The following PHF21A variants were observed in gnomAD, a reference collection of about 807,000 sequenced individuals.
The protein encoded by PHF21A is BHC80a.
PHF21A carries 11 observed loss-of-function variants against 82.5 expected under a neutral mutation model. The ratio of observed to expected loss-of-function variants is 0.13; its 90% confidence interval spans 0.08 to 0.22. The LOEUF (loss-of-function observed/expected upper bound fraction) is 0.22. Among genes scored for constraint, PHF21A ranks in the 10% least tolerant of loss-of-function variants. The pLI, the probability that PHF21A is intolerant of heterozygous loss-of-function variation, is 1.00. For synonymous variants in PHF21A, 297 were observed against 302.8 expected (o/e 0.98, Z 0.20); for missense variants, 579 against 837.8 (o/e 0.69, Z 3.81).
At chr11:45,968,097 C>G (rs1378884260) in intron 9 of PHF21A, among the ~76,000 whole-genome samples, 1 of 152,162 alleles carries the variant, frequency 6.6e-6, no homozygotes, top group African/African-American at 2.4e-5. Context: ...ATGGATACTC[C>G]ATGTAAAGTG....
intron 1 of PHF21A, among the ~76,000 whole-genome samples, chr11:46,092,634 C>T (rs1034434488): frequency 1.3e-5 from 2 of 152,004 alleles, no homozygotes; most frequent in African/African-American, 4.8e-5. Flanking sequence ...TCATAAAAGG[C>T]ATTTTTTTCA....
intron 6 of PHF21A, among the ~76,000 whole-genome samples, chr11:46,001,487 T>C (rs989957521): frequency 2.6e-5 from 4 of 152,078 alleles, no homozygotes; most frequent in Non-Finnish European, 5.9e-5. Context: ...GAAGCTCCAG[T>C]TGGTGTCTCC....
At chr11:45,946,997 G>A (rs1012269050) in intron 14 of PHF21A, among the ~76,000 whole-genome samples, 2 of 152,182 alleles carry the variant, frequency 1.3e-5, no homozygotes, top group Non-Finnish European at 2.9e-5. Context: ...ACCCTCCCCA[G>A]TTGACTGGCA....
intron 6 of PHF21A, among the ~76,000 whole-genome samples, chr11:45,982,323 C>T (rs1054582107): frequency 1.3e-5 from 2 of 151,938 alleles, no homozygotes. Flanking sequence ...CATATAAAGG[C>T]CAATTTTGGG....
chr11:46,043,560 A>C (rs1287565040), intron 6 of PHF21A, among the ~76,000 whole-genome samples: 2 of 152,084 alleles, frequency 1.3e-5, no homozygotes, highest in Non-Finnish European at 2.9e-5. Context: ...GAAGTGATAA[A>C]GACGAGCTCT....
At chr11:46,046,096 A>C (rs1161788319) in intron 6 of PHF21A, among the ~76,000 whole-genome samples, 1 of 152,222 alleles carries the variant, frequency 6.6e-6, no homozygotes, top group East Asian at 1.9e-4. Context: ...AACTTATTTG[A>C]AAGCTGAAGG....
At chr11:46,034,263 T>C (rs2095937487) in intron 6 of PHF21A, among the ~76,000 whole-genome samples, 1 of 151,692 alleles carries the variant, frequency 6.6e-6, no homozygotes, top group Non-Finnish European at 1.5e-5. Context: ...CTCATACTTT[T>C]CTTAGAGATT....
chr11:46,008,196 A>G (rs1247943995), intron 6 of PHF21A, among the ~76,000 whole-genome samples: 1 of 152,214 alleles, frequency 6.6e-6, no homozygotes, highest in Non-Finnish European at 1.5e-5. Context: ...CATACACTCT[A>G]TCATGTGAAA....
chr11:46,084,941 A>C (rs150386291), intron 3 of PHF21A, among the ~76,000 whole-genome samples: 28 of 151,874 alleles, frequency 1.8e-4, no homozygotes, highest in African/African-American at 6.5e-4. Context: ...CAGCCTCCCA[A>C]AGTGCTGGGA....
At chr11:45,951,382 A>T (rs2092091172) in intron 11 of PHF21A, among the ~76,000 whole-genome samples, 1 of 152,268 alleles carries the variant, frequency 6.6e-6, no homozygotes, top group African/African-American at 2.4e-5. Context: ...AAGCCACTTG[A>T]GAACATAGAA....
chr11:46,066,554 C>G (rs1456902919), intron 6 of PHF21A, among the ~76,000 whole-genome samples: 3 of 151,928 alleles, frequency 2.0e-5, no homozygotes, highest in Non-Finnish European at 4.4e-5. Context: ...AATAAATTAG[C>G]CAGGCGTGAC....
intron 6 of PHF21A, among the ~76,000 whole-genome samples, chr11:46,042,081 G>A (rs2096155851): frequency 6.6e-6 from 1 of 152,042 alleles, no homozygotes; most frequent in Non-Finnish European, 1.5e-5. Flanking sequence ...CACAACCATT[G>A]TCTATAGGAA....
intron 9 of PHF21A, among the ~76,000 whole-genome samples, chr11:45,967,263 G>A (rs1052887241): frequency 4.6e-5 from 7 of 151,884 alleles, no homozygotes; most frequent in Non-Finnish European, 1.0e-4. Context: ...AGCTACTTGA[G>A]AGGCTGAGAC....
chr11:46,091,006 C>A, intron 2 of PHF21A, among the ~76,000 whole-genome samples: 1 of 152,050 alleles, frequency 6.6e-6, no homozygotes, highest in East Asian at 1.9e-4. Flanking sequence ...GCTATAGGAT[C>A]TTGATTATTT....
intron 1 of PHF21A, among the ~76,000 whole-genome samples, chr11:46,096,951 C>G (rs1301137966): frequency 6.6e-6 from 1 of 152,154 alleles, no homozygotes; most frequent in African/African-American, 2.4e-5. Context: ...GGTAACTCCA[C>G]CCCCTCAGAA....
chr11:46,046,189 A>G (rs2096253300), intron 6 of PHF21A, among the ~76,000 whole-genome samples: 1 of 152,130 alleles, frequency 6.6e-6, no homozygotes, highest in Non-Finnish European at 1.5e-5. Context: ...GCTTCACTCA[A>G]TTCACACACA....
chr11:45,997,286 G>A (rs531108834), intron 6 of PHF21A, among the ~76,000 whole-genome samples: 7 of 152,204 alleles, frequency 4.6e-5, no homozygotes, highest in African/African-American at 1.7e-4. Flanking sequence ...ATGTTTTTAT[G>A]ACACTTATCA....
chr11:45,934,065 C>T lies in PHF21A; in HGVS notation c.1949G>A (p.Cys650Tyr). 6.2e-7 allele frequency: 1 copy of T among 1,613,700 alleles called. No homozygotes were observed. Among genetic ancestry groups the T allele is most frequent in the Non-Finnish European group, 8.5e-7 (1 of 1,179,800 alleles). ...TVGAISNGPD[C>Y]TPPANAATST... is the part of the protein sequence containing the mutation. ...GGTGGCGGCATTGGCAGGGGGGGTG[C>T]AGTCCGGGCCATTGGAGATGGCCCC... is the stretch of plus-strand genomic sequence containing the variant. The change falls in exon 19 of 19, where the codon TGC becomes TAC. Residue 650 changes from cysteine (C) to tyrosine (Y), a missense_variant. Cys to Tyr is a radical substitution (Grantham distance 194). Coordinates refer to ENST00000676320, the MANE Select transcript of PHF21A (RefSeq NM_001352027.3).
At chr11:46,068,549 A>G (rs2096621095) in intron 6 of PHF21A, among the ~76,000 whole-genome samples, 2 of 152,198 alleles carry the variant, frequency 1.3e-5, no homozygotes, top group South Asian at 4.1e-4. Context: ...GATATGTTCT[A>G]TGCAAAAGAA....
Sources: allele counts gnomAD v4.1 joint callset (sites outside exome capture counted in the v4.1 genomes callset), GRCh38; gene constraint gnomAD v4.1.1; transcripts MANE v1.5; gene names NCBI Gene and HGNC (gene_info 2026-07-23, HGNC 2026-07-21).